Variants in DPYSL3 observed in about 807,000 individuals in gnomAD.
The protein encoded by DPYSL3 is dihydropyrimidinase like 3, also known as dihydropyrimidinase-related protein 3.
Under a neutral mutation model 66.1 loss-of-function variants are expected in DPYSL3, and 16 were observed. The ratio of observed to expected loss-of-function variants is 0.24; its 90% confidence interval spans 0.16 to 0.37. DPYSL3 has a LOEUF of 0.37. DPYSL3 is among the 10% of genes least tolerant of loss of function. DPYSL3 has a pLI of 1.00. For synonymous variants in DPYSL3, 338 were observed against 345.1 expected, an observed-to-expected ratio of 0.98 and a Z score of 0.23; for missense variants, 738 against 916.2, an observed-to-expected ratio of 0.81 and a Z score of 2.51.
In DPYSL3 at chr5:147,490,198, G is replaced by A. The variant is rs1403612331; in HGVS notation, c.381+19280C>T. On this transcript the variant is annotated intron_variant, in intron 1 of 13. Coordinates refer to ENST00000343218, the MANE Select transcript of DPYSL3 (RefSeq NM_001197294.2). ...CTGATTTTGCACACCCCAGAGTCCT[G>A]CCCCTAAAGTTTGAAGTAGAAAGCA... Among the ~76,000 whole-genome samples the A allele has an allele frequency of 2.6e-5, 4 of 152,042 alleles. No individual in the cohort carries two copies. The East Asian group carries it at 7.7e-4, about 29-fold the overall frequency.
chr5:147,412,756 C>A (rs1285963866), intron 5 of DPYSL3, 68 bp from the exon 6 acceptor site: 1 of 1,386,478 alleles, frequency 7.2e-7, no homozygotes, highest in Admixed American at 1.9e-5. Flanking sequence ...GGGCCAATTA[C>A]CAGAGCCCAA....
At chr5:147,481,507 T>A (rs1391744022) in intron 1 of DPYSL3, among the ~76,000 whole-genome samples, 1 of 152,214 alleles carries the variant, frequency 6.6e-6, no homozygotes, top group African/African-American at 2.4e-5. Context: ...GTTGGCTTTC[T>A]TTGGTTGCCC....
chr5:147,427,054 C>T (rs1752210670), intron 1 of DPYSL3, among the ~76,000 whole-genome samples: 2 of 152,152 alleles, frequency 1.3e-5, no homozygotes, highest in Admixed American at 1.3e-4. Flanking sequence ...ACAGAACATG[C>T]AGTTCTTGTC....
intron 1 of DPYSL3, among the ~76,000 whole-genome samples, chr5:147,456,163 A>C (rs977749743): frequency 6.6e-6 from 1 of 152,226 alleles, no homozygotes; most frequent in Non-Finnish European, 1.5e-5. Context: ...CTTGAACCAA[A>C]ATAAAGCCTC....
At chr5:147,418,379 C>T in intron 3 of DPYSL3, 68 bp downstream of exon 3, 1 of 1,447,812 alleles carries the variant, frequency 6.9e-7, no homozygotes, top group African/African-American at 1.4e-5. Context: ...TAAGAGAGTT[C>T]TGGAGATAAC....
At chr5:147,486,585 CTT>C (rs1423128135) in intron 1 of DPYSL3, among the ~76,000 whole-genome samples, 1 of 152,170 alleles carries the variant, frequency 6.6e-6, no homozygotes, top group African/African-American at 2.4e-5. Flanking sequence ...AGTCAGTGCC[CTT>C]CTGAGCACTC....
At chr5:147,480,592 C>T (rs1753220302) in intron 1 of DPYSL3, among the ~76,000 whole-genome samples, 1 of 151,898 alleles carries the variant, frequency 6.6e-6, no homozygotes, top group Non-Finnish European at 1.5e-5. Context: ...CCCAGGTTTT[C>T]CACAGAAGTT....
chr5:147,435,865 T>A (rs1340623316), intron 1 of DPYSL3, among the ~76,000 whole-genome samples: 1 of 152,076 alleles, frequency 6.6e-6, no homozygotes. Flanking sequence ...GGCAAATAAA[T>A]GGATATGCAG....
chr5:147,448,162 C>A (rs998354407), intron 1 of DPYSL3, among the ~76,000 whole-genome samples: 1 of 151,788 alleles, frequency 6.6e-6, no homozygotes, highest in Non-Finnish European at 1.5e-5. Context: ...AGCAGTCAAG[C>A]CACTAAAAAA....
At position 147,394,077 on chromosome 5, in the gene DPYSL3, C is replaced by T. The variant is rs751645128; in HGVS notation, c.2013G>A (p.Val671=). ...EGVRSASKRI[V]APPGGRSNIT... ...TATTAGAACGGCCGCCTGGGGGCGCCACGATGCGCTTGCTGGCTGAGCGAA... is the reference window on the plus strand; with the variant it reads ...TATTAGAACGGCCGCCTGGGGGCGCTACGATGCGCTTGCTGGCTGAGCGAA... The change falls in exon 14 of 14, where the codon GTG becomes GTA. Residue 671 remains valine, a synonymous_variant. Coordinates refer to ENST00000343218, the MANE Select transcript of DPYSL3 (RefSeq NM_001197294.2). 3 of 1,614,128 alleles carry T rather than the reference C, an allele frequency of 1.9e-6. No individual in the cohort carries two copies. The highest frequency in any genetic ancestry group is 2.5e-6 in the Non-Finnish European group (3 of 1,180,026).
intron 1 of DPYSL3, among the ~76,000 whole-genome samples, chr5:147,425,588 A>T (rs959813130): frequency 1.4e-4 from 21 of 152,322 alleles, no homozygotes; most frequent in African/African-American, 4.3e-4. Context: ...TGCAGGATTT[A>T]TATTTATCTC....
intron 1 of DPYSL3, among the ~76,000 whole-genome samples, chr5:147,465,065 A>G (rs1752990683): frequency 6.6e-6 from 1 of 152,190 alleles, no homozygotes; most frequent in Non-Finnish European, 1.5e-5. Context: ...GTGGTGGCAC[A>G]TGCCTGTAAT....
rs10561693 is a variant in DPYSL3 at position 147,502,376 on chromosome 5, T to TACACACACAC, written c.381+7092_381+7101dup. On this transcript the variant is annotated intron_variant, in intron 1 of 13. Coordinates refer to ENST00000343218, the MANE Select transcript of DPYSL3 (RefSeq NM_001197294.2). ...TTGGGAAAAAAATGCATGTCACAGA[T>TACACACACAC]ACACACACACACACACACACACACA... Among the ~76,000 whole-genome samples the TACACACACAC allele has an allele frequency of 5.0e-3, 749 of 149,508 alleles. 3 individuals carry two copies. The highest frequency in any genetic ancestry group is 0.014 in the Middle Eastern group (4 of 290).
At chr5:147,422,948 C>T (rs1218572621) in intron 2 of DPYSL3, among the ~76,000 whole-genome samples, 1 of 152,110 alleles carries the variant, frequency 6.6e-6, no homozygotes, top group African/African-American at 2.4e-5. Context: ...ACATGTATAC[C>T]TATGTAACAA....
intron 1 of DPYSL3, among the ~76,000 whole-genome samples, chr5:147,447,368 C>T (rs1197436573): frequency 6.6e-6 from 1 of 152,118 alleles, no homozygotes; most frequent in Non-Finnish European, 1.5e-5. Flanking sequence ...TGGGAGGATA[C>T]CTGTGTTTCG....
chr5:147,474,997 G>T (rs773746584), intron 1 of DPYSL3, among the ~76,000 whole-genome samples: 3 of 152,016 alleles, frequency 2.0e-5, no homozygotes, highest in Non-Finnish European at 4.4e-5. Context: ...CATATTACTG[G>T]TTGGAATGAA....
intron 1 of DPYSL3, among the ~76,000 whole-genome samples, chr5:147,426,719 C>T (rs1445489783): frequency 6.6e-6 from 1 of 152,194 alleles, no homozygotes; most frequent in Non-Finnish European, 1.5e-5. Context: ...CAGCTGACTT[C>T]TGGCTTCAGA....
At chr5:147,499,431 A>G (rs547132452) in intron 1 of DPYSL3, among the ~76,000 whole-genome samples, 1 of 152,310 alleles carries the variant, frequency 6.6e-6, no homozygotes, top group East Asian at 1.9e-4. Flanking sequence ...TTAGGTATAA[A>G]TCTAGAAAAC....
At chr5:147,477,650 TCGGCTCACTGCAAGCTCCGCTTCC>T (rs1239512834) in intron 1 of DPYSL3, among the ~76,000 whole-genome samples, 1 of 125,944 alleles carries the variant, frequency 7.9e-6, no homozygotes, top group Non-Finnish European at 1.6e-5. Flanking sequence ...TGGCGCAATC[TCGGCTCACTGCAAGCTCCGCTTCC>T]CGGGTTCACG....
Sources: allele counts gnomAD v4.1 joint callset (sites outside exome capture counted in the v4.1 genomes callset), GRCh38; gene constraint gnomAD v4.1.1; transcripts MANE v1.5; gene names NCBI Gene and HGNC (gene_info 2026-07-23, HGNC 2026-07-21).